The following CCDC28B variants were observed in gnomAD, a reference collection of about 807,000 sequenced individuals.
CCDC28B encodes the protein coiled-coil domain containing 28B, also known as coiled-coil domain-containing protein 28B.
In CCDC28B, 17 loss-of-function variants were observed where a neutral mutation model predicts 18.7. The observed-to-expected ratio is 0.91, with a 90% confidence interval of 0.62 to 1.36. CCDC28B has a LOEUF of 1.36. Ranked by LOEUF, CCDC28B falls within the 40% of genes most tolerant of loss-of-function variation. The pLI, the probability that CCDC28B is intolerant of heterozygous loss-of-function variation, is 0.00. For synonymous variants in CCDC28B, 116 were observed against 105.1 expected (o/e 1.10, Z -0.64); for missense variants, 213 against 251.7 (o/e 0.85, Z 1.04).
At position 32,205,104 on chromosome 1, in the gene CCDC28B, C is replaced by T. The variant is rs1464416040; in HGVS notation, c.549-90C>T. 2.0e-6 allele frequency: 3 copies of T among 1,516,046 alleles called. No individual in the cohort carries two copies. The highest frequency in any genetic ancestry group is 2.7e-6 in the Non-Finnish European group (3 of 1,108,958). 93.9% of individuals were successfully genotyped at this position (1,516,046 alleles called of 1,614,324 possible). A position where few individuals can be genotyped will look rare whatever the true frequency, so the allele number is the denominator to read the frequency against. On this transcript the variant is annotated intron_variant, in intron 5 of 5. Coordinates refer to ENST00000373602, the MANE Select transcript of CCDC28B (RefSeq NM_024296.5). The surrounding 1 kb of genome is among the most constrained non-coding windows in gnomAD (Gnocchi z 5.6). ...CGAGACCCTCGTCCCCGGCCCTTTG[C>T]ACAGGTGAGGGAACTAAACCTGTGC...
rs201378814 is a variant in CCDC28B at position 32,204,389 on chromosome 1, T to C, written c.525+10T>C. Reference sequence around the variant, plus strand: ...CCAGCTGCTTAGCAATGTGGGTTCATGTCTGGGTGCTTTGGTTCCTGGGGG... The same window carrying C: ...CCAGCTGCTTAGCAATGTGGGTTCACGTCTGGGTGCTTTGGTTCCTGGGGG... On this transcript the variant is annotated intron_variant, in intron 4 of 5. Coordinates refer to ENST00000373602, the MANE Select transcript of CCDC28B (RefSeq NM_024296.5). The C allele has an allele frequency of 1.9e-6, 3 of 1,557,508 alleles. No individual in the cohort carries two copies. Among genetic ancestry groups the C allele is most frequent in the Non-Finnish European group, 2.6e-6 (3 of 1,152,094 alleles).
chr1:32,201,249 G>A (rs966810088), intron 1 of CCDC28B, among the ~76,000 whole-genome samples: 1 of 152,164 alleles, frequency 6.6e-6, no homozygotes, highest in African/African-American at 2.4e-5. Context: ...AAGCCCAGCA[G>A]GGACTTTCCG....
intron 1 of CCDC28B, 124 bp from the exon 2 acceptor site, chr1:32,201,789 A>G: frequency 1.3e-6 from 1 of 766,296 alleles, no homozygotes; most frequent in Non-Finnish European, 2.1e-6. Flanking sequence ...CTCTGCCCCT[A>G]CCGTATAGAT....
chr1:32,201,306 G>A (rs1360190522), intron 1 of CCDC28B, among the ~76,000 whole-genome samples: 2 of 152,180 alleles, frequency 1.3e-5, no homozygotes, highest in Non-Finnish European at 2.9e-5. Context: ...GGACCTATAG[G>A]GAGTCCCTAA....
chr1:32,204,310 C>A lies in CCDC28B; in HGVS notation c.456C>A (p.Val152=). ...EEDDEEEEDG[V]TEGLPEEQKK... ...ACGATGAAGAGGAAGAGGATGGGGTCACTGAGGGGCTGCCAGAGGAGCAGA... is the reference window on the plus strand; with the variant it reads ...ACGATGAAGAGGAAGAGGATGGGGTAACTGAGGGGCTGCCAGAGGAGCAGA... Residue 152 remains valine (V), a synonymous_variant, in exon 4 of 6, where the codon GTC becomes GTA. Coordinates refer to ENST00000373602, the MANE Select transcript of CCDC28B (RefSeq NM_024296.5). 6.2e-7 allele frequency: 1 copy of A among 1,611,536 alleles called. No individual in the cohort carries two copies. Among genetic ancestry groups the A allele is most frequent in the South Asian group, 1.1e-5 (1 of 90,732 alleles).
At chr1:32,204,538 T>C (rs939786791) in intron 4 of CCDC28B, 60 bp from the exon 5 acceptor site, 24 of 1,525,686 alleles carry the variant, frequency 1.6e-5, no homozygotes, top group Admixed American at 1.1e-4. Context: ...CCCCAGAGCA[T>C]TGGGGATTTG....
At chr1:32,203,625 G>T (rs540567279) in intron 2 of CCDC28B, among the ~76,000 whole-genome samples, 1 of 152,278 alleles carries the variant, frequency 6.6e-6, no homozygotes, top group Admixed American at 6.5e-5. Context: ...CAGGAACCCA[G>T]GGACCCCCTT....
chr1:32,205,133 A>G lies in CCDC28B; in HGVS notation c.549-61A>G. 1 of 1,597,256 alleles carries G rather than the reference A, an allele frequency of 6.3e-7. No homozygotes were observed. The highest frequency in any genetic ancestry group is 8.6e-7 in the Non-Finnish European group (1 of 1,167,662). On this transcript the variant is annotated intron_variant, in intron 5 of 5. Coordinates refer to ENST00000373602, the MANE Select transcript of CCDC28B (RefSeq NM_024296.5). The surrounding 1 kb of genome is among the most constrained non-coding windows in gnomAD (Gnocchi z 5.6). Reference sequence around the variant, plus strand: ...GGTGAGGGAACTAAACCTGTGCAAGATGGGAGACCGGGGTGGGAGGAAGGA... The same window carrying G: ...GGTGAGGGAACTAAACCTGTGCAAGGTGGGAGACCGGGGTGGGAGGAAGGA...
chr1:32,196,301 G>C (rs1298117717), upstream of CCDC28B: 1 of 152,492 alleles, frequency 6.6e-6, no homozygotes, highest in East Asian at 1.9e-4. Flanking sequence ...CCCATGTCCA[G>C]CTGCCTCTTT....
At chr1:32,202,514 A>C (rs1643168573) in intron 2 of CCDC28B, 2 of 358,968 alleles carry the variant, frequency 5.6e-6, no homozygotes, top group Non-Finnish European at 1.1e-5. Context: ...TCTCTGTTGA[A>C]TTTTTTTTAT....
chr1:32,202,737 A>C (rs1223661025), intron 2 of CCDC28B: 3 of 162,528 alleles, frequency 1.8e-5, no homozygotes, highest in Non-Finnish European at 4.0e-5. Context: ...AGGGGCATTC[A>C]ATTTTATCCT....
chr1:32,198,934 G>A (rs753013535), upstream of CCDC28B, among the ~76,000 whole-genome samples: 34 of 152,154 alleles, frequency 2.2e-4, no homozygotes, highest in Non-Finnish European at 4.4e-4. Context: ...TAAGAGGGGT[G>A]GACACTCATC....
chr1:32,204,151 T>C (rs757387251), intron 3 of CCDC28B, 35 bp from the exon 4 acceptor site: 1 of 1,612,610 alleles, frequency 6.2e-7, no homozygotes, highest in Non-Finnish European at 8.5e-7. Context: ...GTTCCAGGAC[T>C]CTTTCCCAGG....
At chr1:32,203,471 A>C (rs960108234) in intron 2 of CCDC28B, among the ~76,000 whole-genome samples, 9 of 152,182 alleles carry the variant, frequency 5.9e-5, no homozygotes, top group Non-Finnish European at 1.2e-4. Context: ...AACAAAAAAA[A>C]AGAAGAGGGG....
At position 32,203,954 on chromosome 1, in the gene CCDC28B, CT is replaced by C; in HGVS notation, c.242del (p.Phe81SerfsTer2). On this transcript the variant is annotated frameshift_variant, in exon 3 of 6. Coordinates refer to ENST00000373602, the MANE Select transcript of CCDC28B (RefSeq NM_024296.5). LOFTEE classifies it high-confidence loss of function. The part of the protein sequence containing the change: ...GSAGTPLQHS[F>X]LTEVTDVYEM... ...CTGCAGGCACGCCCCTGCAGCACTC[CT>C]TCCTGACCGAGGTGACTGATGTCTA... 6.3e-7 allele frequency: 1 copy of C among 1,580,624 alleles called. No homozygotes were observed. Among genetic ancestry groups the C allele is most frequent in the South Asian group, 1.2e-5 (1 of 85,834 alleles).
intron 2 of CCDC28B, chr1:32,202,645 A>G (rs1191049550): frequency 7.8e-6 from 2 of 256,940 alleles, no homozygotes; most frequent in Non-Finnish European, 1.6e-5. Flanking sequence ...TTTGCACACC[A>G]CTTGCCTAAG....
chr1:32,198,104 T>G (rs921154124), upstream of CCDC28B: 1 of 152,254 alleles, frequency 6.6e-6, no homozygotes, highest in Non-Finnish European at 1.5e-5. Context: ...CCTCTTGCCC[T>G]TCCTGGGGGA....
At chr1:32,198,763 G>T (rs1186857104), upstream of CCDC28B, among the ~76,000 whole-genome samples, 1 of 152,192 alleles carries the variant, frequency 6.6e-6, no homozygotes, top group Non-Finnish European at 1.5e-5. Context: ...GACTGGGAGA[G>T]GGGGTGAGGC....
upstream of CCDC28B, among the ~76,000 whole-genome samples, chr1:32,198,834 G>A (rs1643084003): frequency 1.3e-5 from 2 of 152,178 alleles, no homozygotes; most frequent in South Asian, 4.1e-4. Flanking sequence ...GGCAGGGGGG[G>A]CAACTGAAGG....
Sources: allele counts gnomAD v4.1 joint callset (sites outside exome capture counted in the v4.1 genomes callset), GRCh38; gene constraint gnomAD v4.1.1; non-coding constraint Gnocchi (gnomAD v3.1); transcripts MANE v1.5; gene names NCBI Gene and HGNC (gene_info 2026-07-23, HGNC 2026-07-21).